Variants in NKAIN2 observed in about 807,000 individuals in gnomAD.
NKAIN2 encodes the protein sodium/potassium-transporting ATPase subunit beta-1-interacting protein 2.
NKAIN2 carries 14 observed loss-of-function variants against 32.6 expected under a neutral mutation model. The observed-to-expected ratio is 0.43, with a 90% CI of 0.28 to 0.67. The LOEUF (loss-of-function observed/expected upper bound fraction) is 0.67, where lower values mean the gene tolerates loss of function less well. Ranked by LOEUF, NKAIN2 falls within the 30% of genes least tolerant of loss-of-function variation. The pLI, the probability that NKAIN2 is intolerant of heterozygous loss-of-function variation, is 0.17. For missense variants in NKAIN2, 198 were observed against 258.3 expected (o/e 0.77, Z 1.60); for synonymous variants, 80 against 87.2 (o/e 0.92, Z 0.46).
chr6:124,333,207 T>A (rs1416375551), intron 2 of NKAIN2, among the ~76,000 whole-genome samples: 1 of 152,186 alleles, frequency 6.6e-6, no homozygotes, highest in East Asian at 1.9e-4. Context: ...CACTAATAAA[T>A]CTTTTCTTTT....
At chr6:123,973,503 G>A (rs532513772) in intron 1 of NKAIN2, among the ~76,000 whole-genome samples, 29 of 152,136 alleles carry the variant, frequency 1.9e-4, no homozygotes, top group Non-Finnish European at 3.5e-4. Context: ...GAGAAAAAAG[G>A]TTACCTGTTA....
At chr6:124,258,111 C>A (rs1422324497) in intron 1 of NKAIN2, among the ~76,000 whole-genome samples, 1 of 149,790 alleles carries the variant, frequency 6.7e-6, no homozygotes, top group Non-Finnish European at 1.5e-5. Flanking sequence ...GCATATGAAG[C>A]AGATGCTATT....
chr6:124,188,066 A>G (rs1354132537), intron 1 of NKAIN2, among the ~76,000 whole-genome samples: 1 of 152,174 alleles, frequency 6.6e-6, no homozygotes, highest in Non-Finnish European at 1.5e-5. Context: ...ACATTACTTG[A>G]AGTAACATAC....
chr6:124,395,155 T>C (rs545853172), intron 3 of NKAIN2, among the ~76,000 whole-genome samples: 62 of 152,260 alleles, frequency 4.1e-4, no homozygotes, highest in African/African-American at 1.4e-3. Context: ...AATCTTCTCA[T>C]GAATATTTTA....
At chr6:124,811,924 C>G (rs1191480310) in intron 5 of NKAIN2, among the ~76,000 whole-genome samples, 1 of 152,116 alleles carries the variant, frequency 6.6e-6, no homozygotes, top group East Asian at 1.9e-4. Context: ...GCAAATCCCT[C>G]CGACAAGGCA....
intron 4 of NKAIN2, among the ~76,000 whole-genome samples, chr6:124,685,778 A>T (rs1354943006): frequency 6.6e-6 from 1 of 152,206 alleles, no homozygotes; most frequent in Non-Finnish European, 1.5e-5. Flanking sequence ...TTCTGCTTTC[A>T]CTAGGCTAGA....
intron 1 of NKAIN2, among the ~76,000 whole-genome samples, chr6:124,034,244 C>T (rs1398237925): frequency 6.6e-6 from 1 of 151,838 alleles, no homozygotes; most frequent in African/African-American, 2.4e-5. Context: ...AACATAGTAC[C>T]CAATAGGTAT....
chr6:124,514,435 C>A (rs1049221121), intron 3 of NKAIN2, among the ~76,000 whole-genome samples: 3 of 152,120 alleles, frequency 2.0e-5, no homozygotes, highest in Admixed American at 2.0e-4. Context: ...AGCATCTGGA[C>A]GTTTATTAGA....
intron 4 of NKAIN2, among the ~76,000 whole-genome samples, chr6:124,689,037 T>G (rs1189075911): frequency 2.6e-5 from 4 of 152,110 alleles, no homozygotes; most frequent in Admixed American, 6.6e-5. Context: ...GTATTTAGTT[T>G]TCTAAGAAAC....
chr6:124,512,816 G>A (rs1778764363), intron 3 of NKAIN2, among the ~76,000 whole-genome samples: 1 of 152,106 alleles, frequency 6.6e-6, no homozygotes, highest in African/African-American at 2.4e-5. Context: ...AATTTTTCTG[G>A]GTTTGTATAT....
At chr6:124,235,456 G>A (rs1289067953) in intron 1 of NKAIN2, among the ~76,000 whole-genome samples, 1 of 152,084 alleles carries the variant, frequency 6.6e-6, no homozygotes, top group African/African-American at 2.4e-5. Context: ...CATTATGAAA[G>A]TAAGATTATA....
At chr6:124,147,232 G>C (rs1787454866) in intron 1 of NKAIN2, among the ~76,000 whole-genome samples, 1 of 152,132 alleles carries the variant, frequency 6.6e-6, no homozygotes, top group Non-Finnish European at 1.5e-5. Context: ...ATTCATTCAG[G>C]ATACACTGGA....
intron 3 of NKAIN2, among the ~76,000 whole-genome samples, chr6:124,356,272 A>C (rs1232962496): frequency 6.6e-6 from 1 of 152,138 alleles, no homozygotes; most frequent in African/African-American, 2.4e-5. Flanking sequence ...GTCAAGCTAT[A>C]TATTTTGGAA....
At chr6:123,821,551 G>A (rs2317929) in intron 1 of NKAIN2, among the ~76,000 whole-genome samples, 41,611 of 151,990 alleles carry the variant, frequency 0.27, 8,171 homozygotes, top group African/African-American at 0.53. Flanking sequence ...ACCCTGTAAC[G>A]TTACCTCATA....
intron 4 of NKAIN2, among the ~76,000 whole-genome samples, chr6:124,692,394 TAAAC>T (rs1393516043): frequency 2.0e-5 from 3 of 152,260 alleles, no homozygotes; most frequent in East Asian, 3.9e-4. Flanking sequence ...TATATAAAAA[TAAAC>T]AAAGCTCTGT....
chr6:124,183,479 T>C (rs1403736364), intron 1 of NKAIN2, among the ~76,000 whole-genome samples: 2 of 152,118 alleles, frequency 1.3e-5, no homozygotes, highest in Non-Finnish European at 2.9e-5. Context: ...GAAAACTTAA[T>C]CCTTGAGTAT....
intron 4 of NKAIN2, among the ~76,000 whole-genome samples, chr6:124,708,406 G>T (rs1775223152): frequency 6.6e-6 from 1 of 151,660 alleles, no homozygotes; most frequent in Non-Finnish European, 1.5e-5. Flanking sequence ...GATGGGGATG[G>T]CATTGAATCT....
chr6:123,831,879 C>A (rs1459435680), intron 1 of NKAIN2, among the ~76,000 whole-genome samples: 1 of 152,106 alleles, frequency 6.6e-6, no homozygotes, highest in Admixed American at 6.5e-5. Context: ...TGGTCTTGAT[C>A]TCCTGACCTC....
chr6:124,044,976 C>G (rs1209805301), intron 1 of NKAIN2, among the ~76,000 whole-genome samples: 2 of 151,856 alleles, frequency 1.3e-5, no homozygotes, highest in Admixed American at 1.3e-4. Context: ...CACAGGCACC[C>G]AAAACTGCGT....
Sources: gnomAD v4.1 joint callset for allele counts (sites outside exome capture counted in the v4.1 genomes callset) on GRCh38, gnomAD v4.1.1 for gene constraint, MANE v1.5 for transcripts, NCBI Gene and HGNC (gene_info 2026-07-23, HGNC 2026-07-21) for gene names.